Variants in MYO6 observed in about 807,000 individuals in gnomAD.
MYO6 encodes the protein unconventional myosin-VI.
A neutral mutation model predicts 178.7 loss-of-function variants in MYO6; 74 were observed. That is an observed-to-expected ratio of 0.41 (90% CI 0.34 to 0.50). The LOEUF is 0.50. Among genes scored for constraint, MYO6 ranks in the 20% least tolerant of loss-of-function variants. The pLI is 0.09. For missense variants in MYO6, 1,330 were observed against 1,547.4 expected (o/e 0.86, Z 2.36); for synonymous variants, 477 against 504.6 (o/e 0.95, Z 0.73).
At chr6:75,891,111 G>T (rs1778870057) in intron 26 of MYO6, 117 bp from the exon 27 acceptor site, 1 of 636,376 alleles carries the variant, frequency 1.6e-6, no homozygotes, top group African/African-American at 1.9e-5. Context: ...TGGCCAGGAG[G>T]TTAATTTGCA....
At chr6:75,763,026 AT>A (rs34139526) in intron 1 of MYO6, among the ~76,000 whole-genome samples, 216 of 124,206 alleles carry the variant, frequency 1.7e-3, no homozygotes, top group South Asian at 7.7e-3. Context: ...CTGACCTGTA[AT>A]TTTTTTTTTT....
rs558287576 is a variant in MYO6, at chr6:75,918,077, T to C, written c.*3065T>C. ...TATATCAAAGCCTTTGCTGCAATCA[T>C]ATGTAACAAAAAGAACCAAAACAAA... On this transcript the variant is annotated 3_prime_UTR_variant, in exon 35 of 35. Transcript: ENST00000369977. The C allele has an allele frequency of 2.6e-5, 4 of 152,348 alleles. No homozygotes were observed. Among genetic ancestry groups the C allele is most frequent in the African/African-American group, 9.6e-5 (4 of 41,576 alleles). The allele number at this position is 152,348 out of a possible 1,614,324, so 9.4% of individuals were successfully genotyped here. A position where few individuals can be genotyped will look rare whatever the true frequency, so the allele number is the denominator to read the frequency against.
rs1240256238 is a variant in MYO6, at chr6:75,808,874, G to C, written c.-47-8627G>C. On this transcript the variant is annotated intron_variant, in intron 1 of 34. Coordinates refer to ENST00000369977, the MANE Select transcript of MYO6 (RefSeq NM_004999.4). ...AAAGGTGGGTAAACTCAAGGCAGGG[G>C]GAGGGGACTTCCAAATCATAGGTAG... Among the ~76,000 whole-genome samples, 3 of 152,138 alleles carry C rather than the reference G, an allele frequency of 2.0e-5. No individual in the cohort carries two copies. In the East Asian group the frequency reaches 5.8e-4, roughly 29 times the overall value.
At chr6:75,898,521 A>G (rs1779484498) in intron 30 of MYO6, 110 bp downstream of exon 30, 2 of 855,858 alleles carry the variant, frequency 2.3e-6, no homozygotes, top group Admixed American at 3.9e-5. Flanking sequence ...TAGTCTTTCT[A>G]TGTAAAGTGA....
At chr6:75,821,624 TACACACACACACACAAAC>T (rs1447381095) in intron 2 of MYO6, among the ~76,000 whole-genome samples, 1 of 150,892 alleles carries the variant, frequency 6.6e-6, no homozygotes, top group Non-Finnish European at 1.5e-5. Context: ...GTTGTAGCTT[TACACACACACACACAAAC>T]ACACACACAC....
chr6:75,892,282 T>C (rs930166916), intron 27 of MYO6, among the ~76,000 whole-genome samples: 1 of 152,186 alleles, frequency 6.6e-6, no homozygotes, highest in Non-Finnish European at 1.5e-5. Context: ...TTTGTAGTCA[T>C]AGAGTTATGG....
intron 1 of MYO6, among the ~76,000 whole-genome samples, chr6:75,766,434 C>T (rs1263493495): frequency 1.3e-5 from 2 of 151,814 alleles, no homozygotes; most frequent in African/African-American, 2.4e-5. Flanking sequence ...AAAATTAATA[C>T]AGTATTCTAA....
intron 9 of MYO6, among the ~76,000 whole-genome samples, chr6:75,841,913 A>G (rs1258014427): frequency 6.6e-6 from 1 of 152,186 alleles, no homozygotes; most frequent in African/African-American, 2.4e-5. Flanking sequence ...TGGAATAGAT[A>G]AAAGGATAGA....
At chr6:75,771,002 C>CTT (rs112998101) in intron 1 of MYO6, among the ~76,000 whole-genome samples, 1 of 138,704 alleles carries the variant, frequency 7.2e-6, no homozygotes, top group African/African-American at 2.6e-5. Context: ...TTTTTTTTTT[C>CTT]TTTTTTTTTT....
intron 4 of MYO6, among the ~76,000 whole-genome samples, 186 bp from the exon 5 acceptor site, chr6:75,830,230 A>G (rs1772941372): frequency 6.6e-6 from 1 of 152,196 alleles, no homozygotes; most frequent in African/African-American, 2.4e-5. Context: ...ATATTTATTA[A>G]GAATTGGAGA....
At chr6:75,805,377 T>C (rs1434539187) in intron 1 of MYO6, among the ~76,000 whole-genome samples, 1 of 152,144 alleles carries the variant, frequency 6.6e-6, no homozygotes, top group African/African-American at 2.4e-5. Flanking sequence ...GCTCATGTTT[T>C]GTGATATGAA....
chr6:75,846,744 A>G (rs900273536), intron 10 of MYO6, among the ~76,000 whole-genome samples: 1 of 152,090 alleles, frequency 6.6e-6, no homozygotes, highest in African/African-American at 2.4e-5. Flanking sequence ...GGGGAAAAAG[A>G]TATAAATTTG....
intron 18 of MYO6, among the ~76,000 whole-genome samples, chr6:75,868,724 G>A (rs1048822683): frequency 6.6e-6 from 1 of 151,896 alleles, no homozygotes; most frequent in Non-Finnish European, 1.5e-5. Context: ...AGTATATAAG[G>A]CAATAAACAC....
intron 1 of MYO6, among the ~76,000 whole-genome samples, chr6:75,788,438 C>A (rs1767897107): frequency 1.3e-5 from 2 of 152,216 alleles, no homozygotes; most frequent in African/African-American, 4.8e-5. Flanking sequence ...TCAGCCCAAT[C>A]TCCTCCCACC....
chr6:75,889,178 G>A (rs1778702854), intron 25 of MYO6, among the ~76,000 whole-genome samples: 3 of 152,220 alleles, frequency 2.0e-5, no homozygotes, highest in Admixed American at 2.0e-4. Flanking sequence ...GGAGGAAAAT[G>A]AAAATGCTAT....
chr6:75,857,068 ATT>A (rs773911108), intron 12 of MYO6, 27 bp from the exon 13 acceptor site: 51 of 1,612,276 alleles, frequency 3.2e-5, no homozygotes, highest in Non-Finnish European at 4.2e-5. Flanking sequence ...ATTATAAAGA[ATT>A]TTTACTAGCA....
intron 2 of MYO6, among the ~76,000 whole-genome samples, chr6:75,820,107 TAAG>T: frequency 6.6e-6 from 1 of 152,310 alleles, no homozygotes; most frequent in Non-Finnish European, 1.5e-5. Context: ...GCAGCAGTGG[TAAG>T]AAGCCGCTCT....
chr6:75,837,249 A>G (rs1039833620), intron 7 of MYO6, among the ~76,000 whole-genome samples: 4 of 152,234 alleles, frequency 2.6e-5, no homozygotes, highest in Non-Finnish European at 5.9e-5. Flanking sequence ...CACAGAATGA[A>G]TTAGAAACTA....
chr6:75,804,400 T>G (rs1769786825), intron 1 of MYO6, among the ~76,000 whole-genome samples: 1 of 152,162 alleles, frequency 6.6e-6, no homozygotes, highest in Non-Finnish European at 1.5e-5. Flanking sequence ...AAAACTTGTA[T>G]GCCAAAGGTG....
Sources: allele counts gnomAD v4.1 joint callset (sites outside exome capture counted in the v4.1 genomes callset), GRCh38; gene constraint gnomAD v4.1.1; transcripts MANE v1.5; gene names NCBI Gene and HGNC (gene_info 2026-07-23, HGNC 2026-07-21).